AFF4: variants seen among roughly 807,000 people sequenced by gnomAD.
AFF4 encodes AF4/FMR2 family member 4.
A neutral mutation model predicts 124.8 loss-of-function variants in AFF4; 13 were observed. The ratio of observed to expected loss-of-function variants is 0.10; its 90% CI spans 0.07 to 0.17. AFF4 has a LOEUF of 0.17. AFF4 is among the 10% of genes least tolerant of loss of function. AFF4 has a pLI of 1.00. For synonymous variants in AFF4, 477 were observed against 496.1 expected (o/e 0.96, Z 0.51); for missense variants, 1,092 against 1,403.8 (o/e 0.78, Z 3.55).
At chr5:132,934,114 C>CA in intron 3 of AFF4, 33 bp downstream of exon 3, 1 of 1,578,850 alleles carries the variant, frequency 6.3e-7, no homozygotes. Context: ...TTCACGTAGT[C>CA]ACAATGTTAA....
chr5:132,937,934 G>A (rs1315034286), intron 1 of AFF4, among the ~76,000 whole-genome samples: 1 of 152,148 alleles, frequency 6.6e-6, no homozygotes, highest in Non-Finnish European at 1.5e-5. Flanking sequence ...AGGACAGTTT[G>A]TCTTATTTTC....
intron 5 of AFF4, among the ~76,000 whole-genome samples, chr5:132,921,051 C>T (rs1274009244): frequency 6.7e-6 from 1 of 150,056 alleles, no homozygotes; most frequent in Non-Finnish European, 1.5e-5. Context: ...GGTGTGAACT[C>T]GGGAGGCGGA....
chr5:132,957,621 C>T (rs1761992448), intron 1 of AFF4, among the ~76,000 whole-genome samples: 1 of 152,050 alleles, frequency 6.6e-6, no homozygotes, highest in African/African-American at 2.4e-5. Flanking sequence ...TAGACCCCAG[C>T]TACTCAGGAG....
At chr5:132,962,689 TA>T (rs1018031954) in intron 1 of AFF4, among the ~76,000 whole-genome samples, 7 of 151,942 alleles carry the variant, frequency 4.6e-5, no homozygotes, top group African/African-American at 1.7e-4. Flanking sequence ...GCTACTGGGA[TA>T]ACTAGGTAAC....
Position 132,934,089 on chromosome 5 carries a change from T to A in AFF4, c.918+58A>T. ...GTGTTCAAGTTCAATCGTAATTTCATGATCAGTCAATTGCTTCACGTAGTC... is the reference window on the plus strand; with the variant it reads ...GTGTTCAAGTTCAATCGTAATTTCAAGATCAGTCAATTGCTTCACGTAGTC... On this transcript the variant is annotated intron_variant, in intron 3 of 20. Transcript: ENST00000265343. The A allele has an allele frequency of 5.9e-6, 9 of 1,519,488 alleles. 1 individual carries two copies. The highest frequency in any genetic ancestry group is 8.0e-6 in the Non-Finnish European group (9 of 1,123,038). The allele number at this position is 1,519,488 out of a possible 1,614,324, so 94.1% of individuals were successfully genotyped here.
At chr5:132,959,726 T>C (rs1762038089) in intron 1 of AFF4, among the ~76,000 whole-genome samples, 2 of 150,064 alleles carry the variant, frequency 1.3e-5, no homozygotes, top group African/African-American at 4.9e-5. Flanking sequence ...AGGGTATGTA[T>C]AGGGAGTTAA....
chr5:132,929,521 A>T (rs1761254038), intron 4 of AFF4, among the ~76,000 whole-genome samples: 1 of 152,192 alleles, frequency 6.6e-6, no homozygotes, highest in Admixed American at 6.5e-5. Context: ...TGAAAGAGCT[A>T]TCACTGTGGT....
chr5:132,903,130 CA>C (rs1480828187), intron 6 of AFF4, among the ~76,000 whole-genome samples: 3 of 151,890 alleles, frequency 2.0e-5, no homozygotes, highest in Non-Finnish European at 4.4e-5. Context: ...CTAGGGAAAA[CA>C]AGCTGAGAAA....
chr5:132,883,360 T>A lies in AFF4; in HGVS notation c.3344A>T (p.Gln1115Leu). The A allele has an allele frequency of 6.2e-7, 1 of 1,614,030 alleles. No homozygotes were observed. The highest frequency in any genetic ancestry group is 8.5e-7 in the Non-Finnish European group (1 of 1,180,010). The change falls in exon 20 of 21, where the codon CAG becomes CTG. Residue 1115 changes from glutamine to leucine, a missense_variant. Transcript: ENST00000265343. ...CCTACCTTTTTGCTCTTTGGAAAGCTGTTCAGCTTGGTCCCAAATTTCGGT... is the reference window on the plus strand; with the variant it reads ...CCTACCTTTTTGCTCTTTGGAAAGCAGTTCAGCTTGGTCCCAAATTTCGGT... The part of the protein sequence containing the change: ...YATEIWDQAE[Q>L]LSKEQKEFFA...
rs1461316732 is a variant in AFF4, at chr5:132,889,048, AAT to A, written c.2732+29_2732+30del. 1.9e-6 allele frequency: 3 copies of A among 1,573,640 alleles called. No individual in the cohort carries two copies. In the African/African-American group the frequency reaches 4.1e-5, roughly 21 times the overall value. ...ATATGCTGACTGGAATCATTTCTTA[AAT>A]ACAGATACAAAAAATCATATTATCT... On this transcript the variant is annotated intron_variant, in intron 14 of 20. Coordinates refer to ENST00000265343, the MANE Select transcript of AFF4 (RefSeq NM_014423.4).
chr5:132,944,725 T>C (rs1295309118), intron 1 of AFF4, among the ~76,000 whole-genome samples: 3 of 149,170 alleles, frequency 2.0e-5, no homozygotes, highest in Non-Finnish European at 4.5e-5. Context: ...AGGTCAGGAG[T>C]TCAAGACCAG....
chr5:132,947,600 G>A (rs940811269), intron 1 of AFF4, among the ~76,000 whole-genome samples: 1 of 152,064 alleles, frequency 6.6e-6, no homozygotes, highest in African/African-American at 2.4e-5. Context: ...GTCAAAATGA[G>A]ATTTGAGCTA....
intron 5 of AFF4, among the ~76,000 whole-genome samples, chr5:132,921,748 G>A (rs944081936): frequency 1.3e-5 from 2 of 152,074 alleles, no homozygotes; most frequent in African/African-American, 4.8e-5. Context: ...TTACAGGCGT[G>A]AGCCACTGCG....
chr5:132,898,116 T>G (rs1005407188), intron 10 of AFF4, 114 bp downstream of exon 10: 62 of 1,327,788 alleles, frequency 4.7e-5, no homozygotes, highest in Non-Finnish European at 6.0e-5. Context: ...TTTCTTTTTG[T>G]CAGACTATGG....
chr5:132,925,917 T>C lies in AFF4; in HGVS notation c.1050+1204A>G, dbSNP rs144097882. Among the ~76,000 whole-genome samples, 6 of 152,230 alleles carry C rather than the reference T, an allele frequency of 3.9e-5. No individual in the cohort carries two copies. In the East Asian group the frequency reaches 7.7e-4, roughly 20 times the overall value. Reference sequence around the variant, plus strand: ...GCTTTCTACCCTAAAGAAAATCACATGCACACAGAAGGCACCAACAAAGAT... The same window carrying C: ...GCTTTCTACCCTAAAGAAAATCACACGCACACAGAAGGCACCAACAAAGAT... On this transcript the variant is annotated intron_variant, in intron 5 of 20. Coordinates refer to ENST00000265343, the MANE Select transcript of AFF4 (RefSeq NM_014423.4).
At chr5:132,938,827 C>T (rs1205283034) in intron 1 of AFF4, among the ~76,000 whole-genome samples, 5 of 149,752 alleles carry the variant, frequency 3.3e-5, no homozygotes, top group African/African-American at 9.9e-5. Flanking sequence ...CCTGTAGTCC[C>T]GGCTACTCAG....
At chr5:132,918,942 C>T (rs538979548) in intron 5 of AFF4, among the ~76,000 whole-genome samples, 3 of 150,684 alleles carry the variant, frequency 2.0e-5, no homozygotes, top group African/African-American at 4.9e-5. Context: ...CTGGAGCACA[C>T]GCAATGGCAT....
chr5:132,963,494 T>C lies in AFF4; in HGVS notation c.-240A>G. On this transcript the variant is annotated 5_prime_UTR_variant, in exon 1 of 21. Coordinates refer to ENST00000265343, the MANE Select transcript of AFF4 (RefSeq NM_014423.4). ...GGAACAGGCGTAGGCCCCGCACCGC[T>C]CCATGACGGTCGGGCCCGGGCTGGG... 2.5e-6 allele frequency: 1 copy of C among 397,806 alleles called. No individual in the cohort carries two copies. Among genetic ancestry groups the C allele is most frequent in the Non-Finnish European group, 4.4e-6 (1 of 225,588 alleles). 24.6% of individuals were successfully genotyped at this position (397,806 alleles called of 1,614,324 possible). A position where few individuals can be genotyped will look rare whatever the true frequency, so the allele number is the denominator to read the frequency against.
rs1005851393 is a variant in AFF4, at chr5:132,879,177, A to C, written c.*1882T>G. 1 of 219,468 alleles carries C rather than the reference A, an allele frequency of 4.6e-6. No individual in the cohort carries two copies. The highest frequency in any genetic ancestry group is 9.1e-6 in the Non-Finnish European group (1 of 109,434). 13.6% of individuals were successfully genotyped at this position (219,468 alleles called of 1,614,324 possible). A position where few individuals can be genotyped will look rare whatever the true frequency, so the allele number is the denominator to read the frequency against. Reference sequence around the variant, plus strand: ...GACATCTAAAAACAATCTGAGGTACAAAACAGTTAAGAAGCTCTATAAATA... The same window carrying C: ...GACATCTAAAAACAATCTGAGGTACCAAACAGTTAAGAAGCTCTATAAATA... On this transcript the variant is annotated 3_prime_UTR_variant, in exon 21 of 21. Transcript: ENST00000265343.
Sources: allele counts gnomAD v4.1 joint callset (sites outside exome capture counted in the v4.1 genomes callset), GRCh38; gene constraint gnomAD v4.1.1; transcripts MANE v1.5; gene names NCBI Gene and HGNC (gene_info 2026-07-23, HGNC 2026-07-21).